Variants in TRPM7 observed in about 807,000 individuals in gnomAD.
The protein encoded by TRPM7 is LTRPC ion channel family member 7.
Under a neutral mutation model 229.7 loss-of-function variants are expected in TRPM7, and 134 were observed. The observed-to-expected ratio is 0.58, with a 90% confidence interval of 0.51 to 0.67. The LOEUF (loss-of-function observed/expected upper bound fraction) is 0.67. Ranked by LOEUF, TRPM7 falls within the 30% of genes least tolerant of loss-of-function variation. The pLI is 0.00. For synonymous variants in TRPM7, 699 were observed against 715.2 expected (o/e 0.98, Z 0.36); for missense variants, 1,901 against 2,210.0 (o/e 0.86, Z 2.80).
chr15:50,631,040 C>A (rs777927762), intron 10 of TRPM7, among the ~76,000 whole-genome samples: 11 of 152,254 alleles, frequency 7.2e-5, no homozygotes, highest in African/African-American at 2.6e-4. Context: ...CTTGTCCAGG[C>A]TGGTCTTGAA....
chr15:50,593,639 T>C lies in TRPM7; in HGVS notation c.3586A>G (p.Arg1196Gly), dbSNP rs1320318504. Residue 1196 changes from arginine to glycine, a missense_variant, in exon 25 of 39, where the codon AGA becomes GGA. Arg to Gly is a moderately radical substitution (Grantham distance 125, BLOSUM62 -2). Coordinates refer to ENST00000646667, the MANE Select transcript of TRPM7 (RefSeq NM_017672.6). ...DDKFHSGSEE[R>G]IRVTFERVEQ... is the part of the protein sequence containing the mutation. ...AACCTTTCAAAAGTGACACGAATTC[T>C]CTCTTCACTCCCAGAATGAAATTTG... The C allele has an allele frequency of 1.9e-6, 3 of 1,611,902 alleles. No individual in the cohort carries two copies. Among genetic ancestry groups the C allele is most frequent in the South Asian group, 2.2e-5 (2 of 90,552 alleles).
At chr15:50,679,538 A>ATATTTTTTTTTTTTTTTT (rs1400383980) in intron 1 of TRPM7, among the ~76,000 whole-genome samples, 2 of 43,904 alleles carry the variant, frequency 4.6e-5, no homozygotes, top group African/African-American at 2.1e-4. Context: ...ATATATATAT[A>ATATTTTTTTTTTTTTTTT]TTTTTTTTTT....
intron 8 of TRPM7, among the ~76,000 whole-genome samples, chr15:50,633,432 C>G (rs1259571827): frequency 6.6e-6 from 1 of 152,104 alleles, no homozygotes; most frequent in Admixed American, 6.6e-5. Flanking sequence ...TAGTGAAAGT[C>G]TCCTTCCCGC....
chr15:50,643,950 G>C (rs1274406517), intron 4 of TRPM7, among the ~76,000 whole-genome samples: 1 of 152,052 alleles, frequency 6.6e-6, no homozygotes, highest in Non-Finnish European at 1.5e-5. Flanking sequence ...AATTAGGGGG[G>C]AAAAATATGG....
chr15:50,616,736 A>T (rs1361677425), intron 13 of TRPM7, among the ~76,000 whole-genome samples: 1 of 151,928 alleles, frequency 6.6e-6, no homozygotes, highest in Non-Finnish European at 1.5e-5. Flanking sequence ...GCTGGAGTGC[A>T]ATGGCACAAT....
At chr15:50,582,130 T>C (rs2054446013) in intron 29 of TRPM7, among the ~76,000 whole-genome samples, 1 of 152,046 alleles carries the variant, frequency 6.6e-6, no homozygotes, top group Non-Finnish European at 1.5e-5. Flanking sequence ...CCCAGATAAG[T>C]TTTGATTTTT....
At chr15:50,593,473 G>T in intron 25 of TRPM7, 144 bp downstream of exon 25, 3 of 862,868 alleles carry the variant, frequency 3.5e-6, no homozygotes, top group Non-Finnish European at 5.3e-6. Flanking sequence ...TAATAGAACT[G>T]AACGATCTTT....
intron 12 of TRPM7, among the ~76,000 whole-genome samples, chr15:50,623,008 A>G (rs2140567047): frequency 6.6e-6 from 1 of 152,374 alleles, no homozygotes; most frequent in East Asian, 1.9e-4. Context: ...AACCAGTGGC[A>G]TGGCATTTAA....
At chr15:50,612,433 C>A in intron 16 of TRPM7, 116 bp downstream of exon 16, 1 of 747,860 alleles carries the variant, frequency 1.3e-6, no homozygotes, top group South Asian at 3.5e-5. Context: ...TCAATTGTAC[C>A]AATAAGATTA....
At chr15:50,672,898 CAAAAAAAAAA>C (rs35153596) in intron 1 of TRPM7, among the ~76,000 whole-genome samples, 9 of 26,218 alleles carry the variant, frequency 3.4e-4, no homozygotes, top group South Asian at 4.2e-3. Context: ...GACTCTGTCT[CAAAAAAAAAA>C]AAAAAAAAAA....
At chr15:50,608,529 C>T (rs2059980632) in intron 19 of TRPM7, among the ~76,000 whole-genome samples, 1 of 152,162 alleles carries the variant, frequency 6.6e-6, no homozygotes, top group African/African-American at 2.4e-5. Flanking sequence ...CACATGAATG[C>T]AAATGTAAGC....
chr15:50,657,770 G>A lies in TRPM7; in HGVS notation c.122+11C>T. The A allele has an allele frequency of 6.2e-7, 1 of 1,610,638 alleles. No homozygotes were observed. The highest frequency in any genetic ancestry group is 8.5e-7 in the Non-Finnish European group (1 of 1,177,694). ...TCCGAAATTTGTGCGGTATAGTTAT[G>A]TTAAACTTACCTGACGAGTTGCTGA... On this transcript the variant is annotated intron_variant, in intron 3 of 38. Transcript: ENST00000646667.
chr15:50,640,712 G>A (rs764942986), intron 5 of TRPM7, among the ~76,000 whole-genome samples: 1 of 151,974 alleles, frequency 6.6e-6, no homozygotes, highest in African/African-American at 2.4e-5. Context: ...TTGGAGGCAG[G>A]GCCTTTAAAT....
intron 31 of TRPM7, among the ~76,000 whole-genome samples, chr15:50,578,087 A>G (rs1390073795): frequency 6.6e-6 from 1 of 152,226 alleles, no homozygotes. Context: ...AGAAGTAGAA[A>G]CAAAGGAATG....
intron 28 of TRPM7, among the ~76,000 whole-genome samples, chr15:50,583,820 C>T (rs1332167792): frequency 6.6e-6 from 1 of 152,134 alleles, no homozygotes; most frequent in Non-Finnish European, 1.5e-5. Context: ...GTGATCCACC[C>T]GCCTCAACCT....
chr15:50,592,057 T>C lies in TRPM7; in HGVS notation c.4178A>G (p.His1393Arg), dbSNP rs1478288969. ...AAATTTGGTTGGTGGGGATGACAGATGTGGTATGCTAGTAGATGAACTGCC... is the reference window on the plus strand; with the variant it reads ...AAATTTGGTTGGTGGGGATGACAGACGTGGTATGCTAGTAGATGAACTGCC... ...KLGSSSTSIP[H>R]LSSPPTKFFV... is the part of the protein sequence containing the mutation. Residue 1393 changes from histidine (H) to arginine (R), a missense_variant, in exon 26 of 39, where the codon CAT becomes CGT. This residue lies in a region of TRPM7 where 533 missense variants were observed against 497.1 expected (regional missense o/e 1.07). Coordinates refer to ENST00000646667, the MANE Select transcript of TRPM7 (RefSeq NM_017672.6). 6.2e-7 allele frequency: 1 copy of C among 1,613,474 alleles called. No individual in the cohort carries two copies. Among genetic ancestry groups the C allele is most frequent in the Non-Finnish European group, 8.5e-7 (1 of 1,179,792 alleles).
chr15:50,645,926 G>A (rs1038629274), intron 4 of TRPM7, among the ~76,000 whole-genome samples: 8 of 151,860 alleles, frequency 5.3e-5, no homozygotes, highest in African/African-American at 1.5e-4. Context: ...AGGCGGAGGC[G>A]GAGGCAGGTG....
chr15:50,574,757 T>C (rs2141504273), intron 34 of TRPM7, 38 bp from the exon 35 acceptor site: 1 of 1,589,032 alleles, frequency 6.3e-7, no homozygotes, highest in Non-Finnish European at 8.6e-7. Flanking sequence ...TTGTTTAATA[T>C]TTAAACTAAG....
chr15:50,618,270 T>C (rs541969977), intron 13 of TRPM7, among the ~76,000 whole-genome samples: 1 of 152,052 alleles, frequency 6.6e-6, no homozygotes, highest in Admixed American at 6.6e-5. Flanking sequence ...CCACCAATAC[T>C]AGATGTTTTT....
Sources: allele counts gnomAD v4.1 joint callset (sites outside exome capture counted in the v4.1 genomes callset), GRCh38; gene constraint gnomAD v4.1.1; regional missense constraint gnomAD v4.1.1; transcripts MANE v1.5; gene names NCBI Gene and HGNC (gene_info 2026-07-23, HGNC 2026-07-21).